The following SNTB1 variants were observed in gnomAD, a reference collection of about 807,000 sequenced individuals.
SNTB1 encodes the protein beta-1-syntrophin.
Under a neutral mutation model 48.9 loss-of-function variants are expected in SNTB1, and 36 were observed. The observed-to-expected ratio is 0.74, with a 90% confidence interval of 0.56 to 0.97. SNTB1 has a LOEUF of 0.97. Among genes scored for constraint, SNTB1 ranks in the 50% least tolerant of loss-of-function variants. The pLI, the probability that SNTB1 is intolerant of heterozygous loss-of-function variation, is 0.00. For synonymous variants in SNTB1, 299 were observed against 294.6 expected, an observed-to-expected ratio of 1.01 and a Z score of -0.15; for missense variants, 786 against 703.4, an observed-to-expected ratio of 1.12 and a Z score of -1.33.
In SNTB1 at chr8:120,703,756, G is replaced by A. The variant is rs185657990; in HGVS notation, c.572-9848C>T. 3.5e-4 allele frequency among the ~76,000 whole-genome samples: 53 copies of A among 152,306 alleles called. 1 individual carries two copies. Among genetic ancestry groups the A allele is most frequent in the Admixed American group, 3.3e-3 (51 of 15,298 alleles). ...AACACTTCATTCACAAAAACAGGCA[G>A]AAGGCCAGGGTGGACCCACGGGCTG... is the stretch of plus-strand genomic sequence containing the variant. On this transcript the variant is annotated intron_variant, in intron 1 of 6. Transcript: ENST00000517992.
At chr8:120,629,401 C>A (rs1354668611) in intron 3 of SNTB1, among the ~76,000 whole-genome samples, 2 of 152,116 alleles carry the variant, frequency 1.3e-5, no homozygotes, top group African/African-American at 4.8e-5. Flanking sequence ...ATCTGTACAA[C>A]CTTGTCACAG....
At chr8:120,756,803 G>T (rs1260636171) in intron 1 of SNTB1, among the ~76,000 whole-genome samples, 1 of 152,090 alleles carries the variant, frequency 6.6e-6, no homozygotes, top group East Asian at 1.9e-4. Context: ...CAAGAGAAAA[G>T]CCACTGCTAC....
chr8:120,788,519 G>A (rs1819965285), intron 1 of SNTB1, among the ~76,000 whole-genome samples: 1 of 152,026 alleles, frequency 6.6e-6, no homozygotes, highest in South Asian at 2.1e-4. Flanking sequence ...GAATCTTATG[G>A]ACCCAAGGTA....
At chr8:120,686,859 T>G (rs543922005) in intron 2 of SNTB1, among the ~76,000 whole-genome samples, 1 of 152,292 alleles carries the variant, frequency 6.6e-6, no homozygotes, top group South Asian at 2.1e-4. Flanking sequence ...GTTTCCAAAA[T>G]TTAATGACAA....
At chr8:120,609,265 A>G (rs904780444) in intron 3 of SNTB1, among the ~76,000 whole-genome samples, 1 of 152,266 alleles carries the variant, frequency 6.6e-6, no homozygotes, top group Admixed American at 6.5e-5. Context: ...TCTGAGGTAG[A>G]AAGAGTTCAG....
chr8:120,640,643 G>GT (rs1403436099), intron 2 of SNTB1, among the ~76,000 whole-genome samples: 1 of 152,116 alleles, frequency 6.6e-6, no homozygotes, highest in African/African-American at 2.4e-5. Flanking sequence ...TAACCATGTG[G>GT]TTTTTGTCTT....
intron 1 of SNTB1, among the ~76,000 whole-genome samples, chr8:120,761,562 T>C (rs895670832): frequency 2.6e-5 from 4 of 152,222 alleles, no homozygotes; most frequent in Non-Finnish European, 5.9e-5. Context: ...CTTTTATTTT[T>C]GATCATTTAA....
chr8:120,736,118 C>T (rs1277016228), intron 1 of SNTB1, among the ~76,000 whole-genome samples: 1 of 152,096 alleles, frequency 6.6e-6, no homozygotes, highest in Non-Finnish European at 1.5e-5. Flanking sequence ...AGGAGAAGTG[C>T]CGAGTGACAG....
intron 3 of SNTB1, among the ~76,000 whole-genome samples, chr8:120,622,505 A>G (rs1476352723): frequency 6.6e-6 from 1 of 152,112 alleles, no homozygotes; most frequent in Admixed American, 6.6e-5. Flanking sequence ...CCCAAACCAA[A>G]CATATAAGGA....
chr8:120,688,498 T>C (rs1033053990), intron 2 of SNTB1, among the ~76,000 whole-genome samples: 1 of 152,152 alleles, frequency 6.6e-6, no homozygotes, highest in Non-Finnish European at 1.5e-5. Flanking sequence ...AATAAAAATA[T>C]GGAGTGTCTC....
intron 3 of SNTB1, among the ~76,000 whole-genome samples, chr8:120,581,505 G>A (rs1286296512): frequency 1.3e-5 from 2 of 152,124 alleles, no homozygotes; most frequent in Non-Finnish European, 2.9e-5. Flanking sequence ...TCGGGAGGCT[G>A]AGGCATGAGA....
chr8:120,578,828 T>C (rs1029944601), intron 3 of SNTB1, among the ~76,000 whole-genome samples: 3 of 152,184 alleles, frequency 2.0e-5, no homozygotes, highest in South Asian at 2.1e-4. Flanking sequence ...GCTTCCAAAC[T>C]CTTTAAATTC....
chr8:120,802,667 C>G (rs963792983), intron 1 of SNTB1, among the ~76,000 whole-genome samples: 5 of 152,068 alleles, frequency 3.3e-5, no homozygotes, highest in African/African-American at 1.2e-4. Flanking sequence ...AAGCCTGTAA[C>G]TGATACAATT....
intron 1 of SNTB1, among the ~76,000 whole-genome samples, chr8:120,730,531 A>C (rs1356438070): frequency 6.6e-6 from 1 of 152,152 alleles, no homozygotes; most frequent in African/African-American, 2.4e-5. Flanking sequence ...AGCTTAAAAC[A>C]TACCTCAAAA....
chr8:120,614,010 C>T (rs1816668407), intron 3 of SNTB1, among the ~76,000 whole-genome samples: 1 of 152,142 alleles, frequency 6.6e-6, no homozygotes, highest in South Asian at 2.1e-4. Flanking sequence ...TGCAGGAGCT[C>T]AGAGAGACTG....
Position 120,686,741 on chromosome 8 carries a change from T to C in SNTB1, c.788+6951A>G, listed in dbSNP as rs552550240. 1.2e-4 allele frequency among the ~76,000 whole-genome samples: 18 copies of C among 152,286 alleles called. 1 individual carries two copies. In the South Asian group the frequency reaches 3.7e-3, roughly 32 times the overall value. On this transcript the variant is annotated intron_variant, in intron 2 of 6. Transcript: ENST00000517992. Reference sequence around the variant, plus strand: ...CCAGAATAACTGCAACTCTAGAGTTTTATTCACTGATACAAGCATGCAGTT... The same window carrying C: ...CCAGAATAACTGCAACTCTAGAGTTCTATTCACTGATACAAGCATGCAGTT...
At chr8:120,701,538 A>G (rs914492688) in intron 1 of SNTB1, among the ~76,000 whole-genome samples, 3 of 152,244 alleles carry the variant, frequency 2.0e-5, no homozygotes, top group African/African-American at 7.2e-5. Context: ...AATGTGTGCC[A>G]CATTCTAGAC....
At chr8:120,607,076 G>A (rs1327025608) in intron 3 of SNTB1, among the ~76,000 whole-genome samples, 1 of 152,108 alleles carries the variant, frequency 6.6e-6, no homozygotes, top group Non-Finnish European at 1.5e-5. Flanking sequence ...AATCCAACAA[G>A]TAGGCACAGA....
At chr8:120,681,242 C>T (rs1191283355) in intron 2 of SNTB1, among the ~76,000 whole-genome samples, 3 of 152,006 alleles carry the variant, frequency 2.0e-5, no homozygotes, top group Admixed American at 6.6e-5. Context: ...TCGGGAAAAA[C>T]GGTGGTTTGG....
Sources: gnomAD v4.1 joint callset for allele counts (sites outside exome capture counted in the v4.1 genomes callset) on GRCh38, gnomAD v4.1.1 for gene constraint, MANE v1.5 for transcripts, NCBI Gene and HGNC (gene_info 2026-07-23, HGNC 2026-07-21) for gene names.